BPNT1: variants seen among roughly 807,000 people sequenced by gnomAD.
BPNT1 encodes the protein 3'(2'),5'-bisphosphate nucleotidase 1.
In BPNT1, 28 loss-of-function variants were observed where a neutral mutation model predicts 36.9. The ratio of observed to expected loss-of-function variants is 0.76; its 90% confidence interval spans 0.56 to 1.04. The LOEUF (loss-of-function observed/expected upper bound fraction) is 1.04. Ranked by LOEUF, BPNT1 falls within the 50% of genes least tolerant of loss-of-function variation. The pLI is 0.00. For missense variants in BPNT1, 313 were observed against 372.9 expected, an observed-to-expected ratio of 0.84 and a Z score of 1.32; for synonymous variants, 119 against 130.9, an observed-to-expected ratio of 0.91 and a Z score of 0.62.
In BPNT1 at chr1:220,072,972, A is replaced by G; in HGVS notation, c.226-15T>C. On this transcript the variant is annotated splice_polypyrimidine_tract_variant and intron_variant, in intron 3 of 8. Coordinates refer to ENST00000322067, the MANE Select transcript of BPNT1 (RefSeq NM_006085.6). ...GAAGGCAGATCCTAAAGCAGAGATA[A>G]CCCTAATGGTTACTGAAGCTGTTTA... 1.3e-6 allele frequency: 2 copies of G among 1,598,426 alleles called. No homozygotes were observed. Among genetic ancestry groups the G allele is most frequent in the Non-Finnish European group, 1.7e-6 (2 of 1,166,020 alleles).
intron 1 of BPNT1, among the ~76,000 whole-genome samples, chr1:220,082,118 A>AGT (rs1253149762): frequency 2.2e-5 from 3 of 133,808 alleles, no homozygotes; most frequent in Non-Finnish European, 4.7e-5. Flanking sequence ...AGAGAGAGAG[A>AGT]GAGTGTATAT....
At chr1:220,085,305 T>A (rs1409714611) in intron 1 of BPNT1, among the ~76,000 whole-genome samples, 1 of 152,234 alleles carries the variant, frequency 6.6e-6, no homozygotes, top group African/African-American at 2.4e-5. Flanking sequence ...TTACATCTTC[T>A]GGGCCTTAAA....
intron 6 of BPNT1, among the ~76,000 whole-genome samples, chr1:220,063,975 T>C (rs1177102301): frequency 6.6e-6 from 1 of 152,208 alleles, no homozygotes; most frequent in East Asian, 1.9e-4. Context: ...AATACAATTA[T>C]ATTAATATAG....
At chr1:220,069,603 T>C (rs1191813217) in intron 4 of BPNT1, among the ~76,000 whole-genome samples, 171 bp from the exon 5 acceptor site, 2 of 152,188 alleles carry the variant, frequency 1.3e-5, no homozygotes, top group African/African-American at 4.8e-5. Flanking sequence ...TCTTTTGTAA[T>C]CATGGAAAAA....
At chr1:220,079,004 G>T (rs1432018234) in intron 2 of BPNT1, among the ~76,000 whole-genome samples, 1 of 152,060 alleles carries the variant, frequency 6.6e-6, no homozygotes, top group Non-Finnish European at 1.5e-5. Flanking sequence ...TACTATACTG[G>T]GAAAAACACG....
chr1:220,058,589 T>G lies in BPNT1; in HGVS notation c.*255A>C. ...TCCTGTCACTCAGGCTGGAGTGCAG[T>G]GGCACGATCTCAGCTCACTGCAACC... On this transcript the variant is annotated 3_prime_UTR_variant, in exon 9 of 9. Transcript: ENST00000322067. The G allele has an allele frequency of 1.1e-6, 1 of 872,268 alleles. No homozygotes were observed. Among genetic ancestry groups the G allele is most frequent in the East Asian group, 5.4e-5 (1 of 18,534 alleles). The allele number at this position is 872,268 out of a possible 1,614,324, so 54.0% of individuals were successfully genotyped here. A position where few individuals can be genotyped will look rare whatever the true frequency, so the allele number is the denominator to read the frequency against.
chr1:220,059,092 G>C, intron 8 of BPNT1, 100 bp from the exon 9 acceptor site: 2 of 1,181,536 alleles, frequency 1.7e-6, no homozygotes, highest in South Asian at 2.9e-5. Flanking sequence ...TCCAATAGTA[G>C]CCAATAAATT....
In BPNT1 at chr1:220,058,295, A is replaced by AT. The variant is rs1662706012; in HGVS notation, c.*548dup. On this transcript the variant is annotated 3_prime_UTR_variant, in exon 9 of 9. Coordinates refer to ENST00000322067, the MANE Select transcript of BPNT1 (RefSeq NM_006085.6). ...TCCACCTAAATACAGGAAAACAAAT[A>AT]TAACATATTGAGTTTATAAGTTCTC... 1 of 989,044 alleles carries AT rather than the reference A, an allele frequency of 1.0e-6. No individual in the cohort carries two copies. Among genetic ancestry groups the AT allele is most frequent in the East Asian group, 1.1e-4 (1 of 8,966 alleles). The allele number at this position is 989,044 out of a possible 1,614,324, so 61.3% of individuals were successfully genotyped here. A position where few individuals can be genotyped will look rare whatever the true frequency, so the allele number is the denominator to read the frequency against.
intron 4 of BPNT1, among the ~76,000 whole-genome samples, chr1:220,070,433 C>A (rs1256029788): frequency 3.3e-5 from 5 of 152,062 alleles, no homozygotes; most frequent in African/African-American, 4.8e-5. Context: ...GCAACCTCTG[C>A]CTCCCGGGTT....
intron 2 of BPNT1, among the ~76,000 whole-genome samples, chr1:220,076,198 C>G (rs1176087654): frequency 6.6e-6 from 1 of 151,956 alleles, no homozygotes; most frequent in Non-Finnish European, 1.5e-5. Context: ...GAAACCCTGC[C>G]TCTACTAAAA....
At chr1:220,082,889 T>A (rs1264882157) in intron 1 of BPNT1, among the ~76,000 whole-genome samples, 1 of 152,142 alleles carries the variant, frequency 6.6e-6, no homozygotes, top group East Asian at 1.9e-4. Context: ...ACAGGAATTA[T>A]GAACCTAACT....
At position 220,082,081 on chromosome 1, in the gene BPNT1, TATATAG is replaced by T. The variant is rs1361330554; in HGVS notation, c.-8-2233_-8-2228del. Among the ~76,000 whole-genome samples the T allele has an allele frequency of 4.1e-3, 454 of 109,766 alleles. 2 individuals are homozygous for T. Among genetic ancestry groups the T allele is most frequent in the Non-Finnish European group, 4.9e-3 (255 of 51,562 alleles). 72.0% of individuals were successfully genotyped at this position (109,766 alleles called of 152,430 possible). A position where few individuals can be genotyped will look rare whatever the true frequency, so the allele number is the denominator to read the frequency against. On this transcript the variant is annotated intron_variant, in intron 1 of 8. Transcript: ENST00000322067. ...CAAGGACAATATATATATATATATA[TATATAG>T]AGAGAGAGAGAGAGAGAGAGAGAGA...
At position 220,059,652 on chromosome 1, in the gene BPNT1, A is replaced by G. The variant is rs367704081; in HGVS notation, c.778+34T>C. The G allele has an allele frequency of 1.8e-4, 256 of 1,451,070 alleles. 1 individual carries two copies. The highest frequency in any genetic ancestry group is 2.2e-4 in the Non-Finnish European group (230 of 1,048,910). 89.9% of individuals were successfully genotyped at this position (1,451,070 alleles called of 1,614,324 possible). A position where few individuals can be genotyped will look rare whatever the true frequency, so the allele number is the denominator to read the frequency against. On this transcript the variant is annotated intron_variant, in intron 8 of 8. Transcript: ENST00000322067. ...GTCTTAGCATGATATAATTGTAGAA[A>G]AACTATGAATTTCCTCAAATAAAAC...
At chr1:220,063,235 C>T (rs1450610453) in intron 6 of BPNT1, among the ~76,000 whole-genome samples, 2 of 152,080 alleles carry the variant, frequency 1.3e-5, no homozygotes, top group Admixed American at 6.6e-5. Flanking sequence ...GTAGTCCCAG[C>T]TACTTGGGAG....
Position 220,058,849 on chromosome 1 carries a change from GAAC to G in BPNT1, c.919_921del (p.Val307del). 6.2e-7 allele frequency: 1 copy of G among 1,613,924 alleles called. No homozygotes were observed. On this transcript the variant is annotated inframe_deletion, in exon 9 of 9. Coordinates refer to ENST00000322067, the MANE Select transcript of BPNT1 (RefSeq NM_006085.6). Reference sequence around the variant, plus strand: ...CGGCCAAATGAAACTTTCCTTTAAGGAACAAGTGCATTTTTAATAGATTCTGGA... The same window carrying G: ...CGGCCAAATGAAACTTTCCTTTAAGGAAGTGCATTTTTAATAGATTCTGGA...
intron 3 of BPNT1, among the ~76,000 whole-genome samples, chr1:220,073,535 G>A (rs779612985): frequency 2.0e-5 from 3 of 151,972 alleles, no homozygotes; most frequent in East Asian, 1.9e-4. Context: ...CTCGTGATTC[G>A]CCCGCCTCAG....
chr1:220,069,974 A>G (rs1380935308), intron 4 of BPNT1, among the ~76,000 whole-genome samples: 1 of 152,136 alleles, frequency 6.6e-6, no homozygotes. Flanking sequence ...TTCAACATGA[A>G]ATGCTTAACT....
intron 1 of BPNT1, among the ~76,000 whole-genome samples, chr1:220,088,268 T>C (rs1012136411): frequency 2.0e-5 from 3 of 150,238 alleles, no homozygotes; most frequent in Admixed American, 2.0e-4. Context: ...CCAAGGCAGG[T>C]GAATCACCTG....
At chr1:220,082,180 T>TTATA (rs3055553) in intron 1 of BPNT1, among the ~76,000 whole-genome samples, 3 of 144,322 alleles carry the variant, frequency 2.1e-5, no homozygotes, top group South Asian at 2.1e-4. Flanking sequence ...TTTATATTTT[T>TTATA]TATATATATA....
Sources: allele counts gnomAD v4.1 joint callset (sites outside exome capture counted in the v4.1 genomes callset), GRCh38; gene constraint gnomAD v4.1.1; transcripts MANE v1.5; gene names NCBI Gene and HGNC (gene_info 2026-07-23, HGNC 2026-07-21).